Variants in CDH12 observed in about 807,000 individuals in gnomAD.
CDH12 encodes cadherin-12.
Under a neutral mutation model 74.1 loss-of-function variants are expected in CDH12, and 41 were observed. That is an observed-to-expected ratio of 0.55 (90% CI 0.43 to 0.72). CDH12 has a LOEUF of 0.72. Among genes scored for constraint, CDH12 ranks in the 30% least tolerant of loss-of-function variants. The pLI, the probability that CDH12 is intolerant of heterozygous loss-of-function variation, is 0.00. For synonymous variants in CDH12, 399 were observed against 355.0 expected (o/e 1.12, Z -1.39); for missense variants, 945 against 977.2 (o/e 0.97, Z 0.44).
At chr5:22,535,916 T>A (rs1480745230) in intron 1 of CDH12, among the ~76,000 whole-genome samples, 1 of 152,220 alleles carries the variant, frequency 6.6e-6, no homozygotes, top group African/African-American at 2.4e-5. Flanking sequence ...ACTGAACACA[T>A]ACAGACTTTT....
chr5:22,603,048 T>G (rs898985789), intron 1 of CDH12, among the ~76,000 whole-genome samples: 26 of 152,136 alleles, frequency 1.7e-4, no homozygotes, highest in African/African-American at 6.0e-4. Context: ...TCAAGCACAG[T>G]TCCTATTGAC....
At chr5:22,257,715 G>A (rs1314991716) in intron 3 of CDH12, among the ~76,000 whole-genome samples, 2 of 151,880 alleles carry the variant, frequency 1.3e-5, no homozygotes, top group African/African-American at 4.8e-5. Context: ...TAGCCAGCAT[G>A]GTCTTGATCT....
chr5:22,580,637 C>G, intron 1 of CDH12: 1 of 468,434 alleles, frequency 2.1e-6, no homozygotes, highest in South Asian at 1.7e-5. Flanking sequence ...TCCCTACTGA[C>G]CACAAAATAG....
chr5:21,775,643 TTTTC>T (rs1745544459), intron 11 of CDH12, among the ~76,000 whole-genome samples: 2 of 152,240 alleles, frequency 1.3e-5, no homozygotes, highest in South Asian at 4.2e-4. Flanking sequence ...TCCATGATGA[TTTTC>T]TTTTTTTTAA....
chr5:22,186,852 A>G lies in CDH12; in HGVS notation c.-187+25646T>C, dbSNP rs541289857. On this transcript the variant is annotated intron_variant, in intron 4 of 14. Transcript: ENST00000382254. Reference sequence around the variant, plus strand: ...ACAGTTGATAGAAAATGGAAAATGTATACTTCCAATGTGGAGTAAAATAGC... The same window carrying G: ...ACAGTTGATAGAAAATGGAAAATGTGTACTTCCAATGTGGAGTAAAATAGC... 1.7e-4 allele frequency among the ~76,000 whole-genome samples: 26 copies of G among 152,324 alleles called. 1 individual carries two copies.
chr5:22,726,592 T>G (rs1055790105), intron 1 of CDH12, among the ~76,000 whole-genome samples: 7 of 151,878 alleles, frequency 4.6e-5, no homozygotes, highest in Admixed American at 4.6e-4. Context: ...GAAAGAGAGC[T>G]CCTATTGCTT....
intron 1 of CDH12, among the ~76,000 whole-genome samples, chr5:22,614,913 A>C (rs2126831585): frequency 6.6e-6 from 1 of 152,084 alleles, no homozygotes; most frequent in Middle Eastern, 3.4e-3. Context: ...TTACCAAGCA[A>C]CTCATGGGTA....
At chr5:22,421,616 T>C (rs1292094514) in intron 2 of CDH12, among the ~76,000 whole-genome samples, 2 of 152,210 alleles carry the variant, frequency 1.3e-5, no homozygotes, top group Admixed American at 6.5e-5. Context: ...GTTCCAAGTC[T>C]TTGCTATTGT....
At chr5:22,741,121 C>T (rs142259880) in intron 1 of CDH12, among the ~76,000 whole-genome samples, 59 of 152,108 alleles carry the variant, frequency 3.9e-4, no homozygotes, top group Non-Finnish European at 5.4e-4. Flanking sequence ...TGAAAATTAA[C>T]CATTGTTTTG....
intron 5 of CDH12, among the ~76,000 whole-genome samples, chr5:22,051,507 A>T (rs1740365334): frequency 6.6e-6 from 1 of 152,160 alleles, no homozygotes; most frequent in Non-Finnish European, 1.5e-5. Context: ...CAATATGGCT[A>T]ATTTCAAAGA....
intron 7 of CDH12, among the ~76,000 whole-genome samples, chr5:21,850,635 T>C (rs535810215): frequency 6.6e-6 from 1 of 151,488 alleles, no homozygotes; most frequent in African/African-American, 2.4e-5. Flanking sequence ...CGTTGGGAGA[T>C]AGGCTTGAAG....
At chr5:22,116,246 CT>C (rs1745091368) in intron 4 of CDH12, among the ~76,000 whole-genome samples, 1 of 152,082 alleles carries the variant, frequency 6.6e-6, no homozygotes, top group Non-Finnish European at 1.5e-5. Context: ...CATAAAGACA[CT>C]ACAGGCCATT....
chr5:22,681,212 C>T (rs902980854), intron 1 of CDH12, among the ~76,000 whole-genome samples: 5 of 145,318 alleles, frequency 3.4e-5, no homozygotes, highest in Non-Finnish European at 7.5e-5. Context: ...AATCATTAAG[C>T]TCCTGGGTAT....
chr5:22,295,861 C>T (rs995332186), intron 3 of CDH12, among the ~76,000 whole-genome samples: 22 of 151,956 alleles, frequency 1.4e-4, no homozygotes, highest in African/African-American at 5.1e-4. Flanking sequence ...CAAGCCAATA[C>T]TGGATTTTTC....
At chr5:22,030,535 C>T (rs1295950326) in intron 5 of CDH12, among the ~76,000 whole-genome samples, 1 of 152,176 alleles carries the variant, frequency 6.6e-6, no homozygotes, top group East Asian at 1.9e-4. Context: ...AGCAGATGTG[C>T]TGTCATCCAG....
intron 3 of CDH12, among the ~76,000 whole-genome samples, chr5:22,368,486 C>A (rs1286345523): frequency 9.2e-6 from 1 of 108,572 alleles, no homozygotes; most frequent in Admixed American, 1.0e-4. Flanking sequence ...TTTTTTTTTG[C>A]AGAGACAGGG....
At chr5:22,609,091 G>A (rs977397717) in intron 1 of CDH12, among the ~76,000 whole-genome samples, 3 of 152,028 alleles carry the variant, frequency 2.0e-5, no homozygotes, top group Non-Finnish European at 4.4e-5. Flanking sequence ...GGGCATATTG[G>A]GAGTGGGTGA....
At chr5:21,826,066 T>C (rs1286054867) in intron 8 of CDH12, among the ~76,000 whole-genome samples, 3 of 152,298 alleles carry the variant, frequency 2.0e-5, no homozygotes, top group Non-Finnish European at 4.4e-5. Flanking sequence ...GAACCATTTT[T>C]GCAGGCTATG....
chr5:21,910,404 G>A (rs780703752), intron 6 of CDH12, among the ~76,000 whole-genome samples: 12 of 151,972 alleles, frequency 7.9e-5, no homozygotes, highest in East Asian at 1.9e-4. Context: ...CAGTGACGCC[G>A]CACCTGCCAG....
Sources: allele counts gnomAD v4.1 joint callset (sites outside exome capture counted in the v4.1 genomes callset), GRCh38; gene constraint gnomAD v4.1.1; transcripts MANE v1.5; gene names NCBI Gene and HGNC (gene_info 2026-07-23, HGNC 2026-07-21).